Variants in LARGE1 observed in about 807,000 individuals in gnomAD.
LARGE1 encodes the protein xylosyl- and glucuronyltransferase LARGE1.
In LARGE1, 43 loss-of-function variants were observed where a neutral mutation model predicts 87.6. The ratio of observed to expected loss-of-function variants is 0.49; its 90% CI spans 0.38 to 0.63. The LOEUF is 0.63. Among genes scored for constraint, LARGE1 ranks in the 30% least tolerant of loss-of-function variants. LARGE1 has a pLI of 0.00. For synonymous variants in LARGE1, 434 were observed against 394.6 expected (o/e 1.10, Z -1.18); for missense variants, 802 against 1,000.2 (o/e 0.80, Z 2.67).
rs529629574 is a variant in LARGE1 at position 33,338,435 on chromosome 22, G to A, written c.1132-634C>T. 3.3e-5 allele frequency among the ~76,000 whole-genome samples: 5 copies of A among 152,164 alleles called. No individual in the cohort carries two copies. In the South Asian group the frequency reaches 8.3e-4, roughly 25 times the overall value. On this transcript the variant is annotated intron_variant, in intron 9 of 14. Transcript: ENST00000397394. ...TTGGTGATGCCATCCTAGAGGTCTGGGTCCTGGCCCCAGGTTTTAATCATT... is the reference window on the plus strand; with the variant it reads ...TTGGTGATGCCATCCTAGAGGTCTGAGTCCTGGCCCCAGGTTTTAATCATT...
chr22:33,667,188 TTA>T (rs767529491), intron 2 of LARGE1, among the ~76,000 whole-genome samples: 4 of 152,042 alleles, frequency 2.6e-5, no homozygotes, highest in Non-Finnish European at 5.9e-5. Flanking sequence ...GATGGGAGAG[TTA>T]TATGAGTTTC....
chr22:33,846,703 C>T (rs1388700235), intron 1 of LARGE1, among the ~76,000 whole-genome samples: 4 of 152,168 alleles, frequency 2.6e-5, no homozygotes, highest in East Asian at 1.9e-4. Flanking sequence ...GGTCTATAAA[C>T]GGCCCCCACT....
chr22:33,260,532 G>A (rs1927569274), intron 11 of LARGE1, among the ~76,000 whole-genome samples: 1 of 151,888 alleles, frequency 6.6e-6, no homozygotes, highest in African/African-American at 2.4e-5. Flanking sequence ...GAGAAATGAG[G>A]ATCACAGCGT....
At chr22:33,587,030 CTTATT>C (rs922496567) in intron 5 of LARGE1, among the ~76,000 whole-genome samples, 7 of 152,144 alleles carry the variant, frequency 4.6e-5, no homozygotes, top group African/African-American at 1.7e-4. Context: ...AGTTTTGTGT[CTTATT>C]TTAAACTTAA....
chr22:33,714,153 C>T (rs2082841891), intron 2 of LARGE1, among the ~76,000 whole-genome samples: 2 of 152,168 alleles, frequency 1.3e-5, no homozygotes, highest in African/African-American at 2.4e-5. Context: ...TGCCCACTCT[C>T]CTACCACTGT....
At chr22:33,516,293 C>A (rs574263253) in intron 6 of LARGE1, among the ~76,000 whole-genome samples, 1 of 152,088 alleles carries the variant, frequency 6.6e-6, no homozygotes. Flanking sequence ...GGCAAGACAT[C>A]CAGCGGGCTG....
At chr22:33,207,666 T>G (rs955852187) in intron 11 of LARGE1, among the ~76,000 whole-genome samples, 1 of 152,070 alleles carries the variant, frequency 6.6e-6, no homozygotes, top group Non-Finnish European at 1.5e-5. Context: ...ATTATAAGCT[T>G]CTTTTTCCAC....
intron 10 of LARGE1, among the ~76,000 whole-genome samples, chr22:33,331,400 C>G (rs925560793): frequency 6.9e-6 from 1 of 145,818 alleles, no homozygotes. Context: ...CTCTCTCTTT[C>G]TCTTCTTATC....
chr22:33,295,683 T>G (rs1322865916), intron 12 of LARGE1, among the ~76,000 whole-genome samples: 1 of 152,178 alleles, frequency 6.6e-6, no homozygotes, highest in Non-Finnish European at 1.5e-5. Context: ...ACTCCAGTTG[T>G]CTAGGAAATG....
chr22:33,146,093 A>G, the LARGE1 span, among the ~76,000 whole-genome samples: 1 of 152,236 alleles, frequency 6.6e-6, no homozygotes. Context: ...ACCTGTTTTG[A>G]GAATTAAGTA....
intron 1 of LARGE1, among the ~76,000 whole-genome samples, chr22:33,862,375 G>A (rs2063955052): frequency 6.6e-6 from 1 of 152,204 alleles, no homozygotes; most frequent in South Asian, 2.1e-4. Flanking sequence ...CTTCCTGGGG[G>A]AGGTTATATC....
intron 1 of LARGE1, among the ~76,000 whole-genome samples, chr22:33,844,123 C>A (rs1263701073): frequency 2.0e-5 from 3 of 151,242 alleles, no homozygotes; most frequent in African/African-American, 7.3e-5. Flanking sequence ...AATTTACAGA[C>A]AAGACTTGCA....
chr22:33,533,906 G>GT (rs561827258), intron 6 of LARGE1, among the ~76,000 whole-genome samples: 1 of 147,616 alleles, frequency 6.8e-6, no homozygotes, highest in Non-Finnish European at 1.5e-5. Flanking sequence ...TTTTTTGGAC[G>GT]TTTTCCGCTC....
At chr22:33,363,011 C>T (rs926297025) in intron 9 of LARGE1, among the ~76,000 whole-genome samples, 5 of 150,002 alleles carry the variant, frequency 3.3e-5, no homozygotes, top group African/African-American at 1.2e-4. Context: ...GAAAGCAAAT[C>T]AAGGTTAAAA....
At chr22:33,304,533 G>A (rs576164533) in intron 11 of LARGE1, 26 bp from the exon 12 acceptor site, 132 of 1,545,846 alleles carry the variant, frequency 8.5e-5, no homozygotes, top group Middle Eastern at 4.5e-4. Flanking sequence ...AGGGTGAGCC[G>A]CGGGACCTGG....
At chr22:33,218,480 A>G (rs743792) in intron 11 of LARGE1, among the ~76,000 whole-genome samples, 4,899 of 152,156 alleles carry the variant, frequency 0.032, 267 homozygotes, top group African/African-American at 0.11. Flanking sequence ...TGATTTCAGT[A>G]TTTGCAAGTG....
chr22:33,628,048 C>T (rs181266087), intron 3 of LARGE1, among the ~76,000 whole-genome samples: 5 of 152,276 alleles, frequency 3.3e-5, no homozygotes, highest in Admixed American at 2.6e-4. Context: ...TGCAAATCCC[C>T]AACCCAGATG....
chr22:33,252,663 C>T lies in LARGE1; in HGVS notation c.1730+51566G>A, dbSNP rs142175750. Among the ~76,000 whole-genome samples, 8 of 149,222 alleles carry T rather than the reference C, an allele frequency of 5.4e-5. No homozygotes were observed. In the East Asian group the frequency reaches 8.6e-4, roughly 16 times the overall value. On this transcript the variant is annotated intron_variant, in intron 11 of 11. Coordinates refer to the LARGE1 transcript ENST00000608642. ...TAACATTCTAACATTTGCCCAAAGA[C>T]GTGTGCCTTCCTTTGTTTGTTGGTG...
chr22:33,713,603 G>A (rs566169907), intron 2 of LARGE1, among the ~76,000 whole-genome samples: 86 of 151,742 alleles, frequency 5.7e-4, no homozygotes, highest in African/African-American at 2.0e-3. Flanking sequence ...CTTTCTTAAT[G>A]CATAAATGAT....
Sources: gnomAD v4.1 joint callset for allele counts (sites outside exome capture counted in the v4.1 genomes callset) on GRCh38, gnomAD v4.1.1 for gene constraint, MANE v1.5 for transcripts, NCBI Gene and HGNC (gene_info 2026-07-23, HGNC 2026-07-21) for gene names.